The following TRPS1 variants were observed in gnomAD, a reference collection of about 807,000 sequenced individuals.
TRPS1 encodes zinc finger transcription factor Trps1.
In TRPS1, 6 loss-of-function variants were observed where a neutral mutation model predicts 101.2. That is an observed-to-expected ratio of 0.06 (90% confidence interval 0.03 to 0.12). The LOEUF (loss-of-function observed/expected upper bound fraction) is 0.12. Among genes scored for constraint, TRPS1 ranks in the 10% least tolerant of loss-of-function variants. TRPS1 has a pLI of 1.00. For missense variants in TRPS1, 1,363 were observed against 1,567.0 expected (o/e 0.87, Z 2.20); for synonymous variants, 578 against 589.8 (o/e 0.98, Z 0.29).
At chr8:115,571,200 G>A (rs1374999156) in intron 5 of TRPS1, among the ~76,000 whole-genome samples, 1 of 152,128 alleles carries the variant, frequency 6.6e-6, no homozygotes. Context: ...TAAAATAATG[G>A]AAAATTGGTA....
At chr8:115,439,128 A>C (rs529278607) in intron 5 of TRPS1, among the ~76,000 whole-genome samples, 7 of 152,234 alleles carry the variant, frequency 4.6e-5, no homozygotes, top group African/African-American at 1.7e-4. Flanking sequence ...GAGTTTAGAG[A>C]CCTACACTCT....
intron 5 of TRPS1, among the ~76,000 whole-genome samples, chr8:115,543,340 C>A (rs1816497588): frequency 6.6e-6 from 1 of 152,142 alleles, no homozygotes; most frequent in Non-Finnish European, 1.5e-5. Context: ...ATTACACATC[C>A]ACCTCTAATA....
At chr8:115,613,337 T>C (rs190217634) in intron 3 of TRPS1, among the ~76,000 whole-genome samples, 143 of 152,326 alleles carry the variant, frequency 9.4e-4, no homozygotes, top group Middle Eastern at 6.8e-3. Context: ...TCAAATAAGG[T>C]AGCATTACAC....
At chr8:115,486,154 A>C (rs1814874122) in intron 5 of TRPS1, among the ~76,000 whole-genome samples, 1 of 152,174 alleles carries the variant, frequency 6.6e-6, no homozygotes, top group African/African-American at 2.4e-5. Context: ...GGTAATTCTC[A>C]CAATATTCCG....
At chr8:115,590,452 C>G (rs933596386) in intron 4 of TRPS1, among the ~76,000 whole-genome samples, 4 of 152,120 alleles carry the variant, frequency 2.6e-5, no homozygotes, top group African/African-American at 9.7e-5. Flanking sequence ...ACTGGTAGCT[C>G]CAGTGATAAA....
intron 5 of TRPS1, among the ~76,000 whole-genome samples, chr8:115,575,071 GT>G (rs1817285905): frequency 6.6e-6 from 1 of 152,068 alleles, no homozygotes; most frequent in African/African-American, 2.4e-5. Flanking sequence ...CTCTACTACT[GT>G]GTGGTCCCAT....
intron 5 of TRPS1, among the ~76,000 whole-genome samples, chr8:115,548,652 G>C (rs551520668): frequency 6.6e-6 from 1 of 152,146 alleles, no homozygotes; most frequent in Admixed American, 6.5e-5. Context: ...AAGAGAGAAA[G>C]AAGCCAGCCA....
At position 115,604,039 on chromosome 8, in the gene TRPS1, A is replaced by C; in HGVS notation, c.1930T>G (p.Phe644Val). 1 of 1,614,068 alleles carries C rather than the reference A, an allele frequency of 6.2e-7. No individual in the cohort carries two copies. The highest frequency in any genetic ancestry group is 8.5e-7 in the Non-Finnish European group (1 of 1,180,006). Residue 644 changes from phenylalanine to valine, a missense_variant, in exon 4 of 7, where the codon TTT (phenylalanine) becomes GTT (valine). Physicochemically the swap from Phe to Val is conservative, Grantham distance 50. Transcript: ENST00000395715. This position sits in a 1 kb window ranked among gnomAD's most constrained non-coding sequence, Gnocchi z 4.1. ...GACTCATGCACACTTTCATAGTGAAAGAGGAGTACATCTACGTCAGGGGTG... is the reference window on the plus strand; with the variant it reads ...GACTCATGCACACTTTCATAGTGAACGAGGAGTACATCTACGTCAGGGGTG... ...FTTPDVDVLL[F>V]HYESVHESQA...
intron 5 of TRPS1, among the ~76,000 whole-genome samples, chr8:115,551,851 T>C (rs1319369100): frequency 6.6e-6 from 1 of 152,248 alleles, no homozygotes. Context: ...TAATTTAGTG[T>C]ATCCCCTTTA....
At chr8:115,464,507 A>ATTCTATGTCAT in intron 5 of TRPS1, among the ~76,000 whole-genome samples, 1 of 152,292 alleles carries the variant, frequency 6.6e-6, no homozygotes, top group East Asian at 1.9e-4. Flanking sequence ...AGGGCACAAT[A>ATTCTATGTCAT]TTCTATGTCA....
intron 5 of TRPS1, among the ~76,000 whole-genome samples, chr8:115,434,573 G>C (rs1813403733): frequency 6.6e-6 from 1 of 152,036 alleles, no homozygotes; most frequent in Non-Finnish European, 1.5e-5. Context: ...TTGAGTTCAT[G>C]GTTTAAATGA....
chr8:115,505,670 A>G (rs1361715708), intron 5 of TRPS1, among the ~76,000 whole-genome samples: 1 of 152,138 alleles, frequency 6.6e-6, no homozygotes, highest in Admixed American at 6.6e-5. Context: ...TCTACCCACT[A>G]GAAGAATGCA....
At chr8:115,607,615 T>C (rs1818069698) in intron 3 of TRPS1, among the ~76,000 whole-genome samples, 1 of 151,928 alleles carries the variant, frequency 6.6e-6, no homozygotes, top group South Asian at 2.1e-4. Context: ...GACACTTCTA[T>C]AGGTCACATA....
chr8:115,628,514 A>AAT (rs1818559233), intron 1 of TRPS1, among the ~76,000 whole-genome samples: 1 of 151,612 alleles, frequency 6.6e-6, no homozygotes, highest in South Asian at 2.1e-4. Flanking sequence ...CTGATCTTAA[A>AAT]ATATATATAT....
chr8:115,452,501 ATG>A (rs1813900557), intron 5 of TRPS1, among the ~76,000 whole-genome samples: 1 of 152,214 alleles, frequency 6.6e-6, no homozygotes, highest in African/African-American at 2.4e-5. Context: ...AAGAAATGGT[ATG>A]TCAAATTAAT....
intron 5 of TRPS1, among the ~76,000 whole-genome samples, chr8:115,431,627 C>T (rs1169937569): frequency 6.6e-6 from 1 of 151,872 alleles, no homozygotes; most frequent in African/African-American, 2.4e-5. Flanking sequence ...AATCAGGGTC[C>T]TTTCTAGAAC....
rs1262458992 is a variant in TRPS1, at chr8:115,560,434, T to A, written c.2700+26567A>T. Among the ~76,000 whole-genome samples, 10 of 152,126 alleles carry A rather than the reference T, an allele frequency of 6.6e-5. No individual in the cohort carries two copies. In the East Asian group the frequency reaches 1.7e-3, roughly 26 times the overall value. ...TCATAACAACCACGTTGCTAAGGTGTAAAGGGGCCATTTAAATATCTAGGT... is the reference window on the plus strand; with the variant it reads ...TCATAACAACCACGTTGCTAAGGTGAAAAGGGGCCATTTAAATATCTAGGT... On this transcript the variant is annotated intron_variant, in intron 5 of 6. Coordinates refer to ENST00000395715, the MANE Select transcript of TRPS1 (RefSeq NM_014112.5).
chr8:115,525,416 G>C lies in TRPS1; in HGVS notation c.2700+61585C>G, dbSNP rs533933303. Among the ~76,000 whole-genome samples, 4 of 152,128 alleles carry C rather than the reference G, an allele frequency of 2.6e-5. No individual in the cohort carries two copies. In the East Asian group the frequency reaches 7.8e-4, roughly 29 times the overall value. ...ATCAGGCTCACTCAGCGTTCCACAT[G>C]GTGTTGTGGAACGTTCATAAGTACC... On this transcript the variant is annotated intron_variant, in intron 5 of 6. Coordinates refer to ENST00000395715, the MANE Select transcript of TRPS1 (RefSeq NM_014112.5).
rs1812818109 is a variant in TRPS1 at position 115,412,688 on chromosome 8, T to A, written c.*1335A>T. 6.6e-6 allele frequency: 1 copy of A among 152,562 alleles called. No individual in the cohort carries two copies. Among genetic ancestry groups the A allele is most frequent in the African/African-American group, 2.4e-5 (1 of 41,444 alleles). 9.5% of individuals were successfully genotyped at this position (152,562 alleles called of 1,614,324 possible). ...GACAATATAATGCAAATTATTAAAG[T>A]CAGTCCTTGTACATACATCCTTGTA... is the stretch of plus-strand genomic sequence containing the variant. On this transcript the variant is annotated 3_prime_UTR_variant, in exon 7 of 7. Transcript: ENST00000395715.
Sources: gnomAD v4.1 joint callset for allele counts (sites outside exome capture counted in the v4.1 genomes callset) on GRCh38, gnomAD v4.1.1 for gene constraint, Gnocchi (gnomAD v3.1) non-coding constraint, MANE v1.5 for transcripts, NCBI Gene and HGNC (gene_info 2026-07-23, HGNC 2026-07-21) for gene names.